The following OTUD7A variants were observed in gnomAD, a reference collection of about 807,000 sequenced individuals.
The protein encoded by OTUD7A is OTU deubiquitinase 7A.
A neutral mutation model predicts 65.7 loss-of-function variants in OTUD7A; 12 were observed. That is an observed-to-expected ratio of 0.18 (90% confidence interval 0.12 to 0.30). OTUD7A has a LOEUF of 0.30. OTUD7A is among the 10% of genes least tolerant of loss of function. The probability of loss-of-function intolerance (pLI) is 1.00; values close to 1 mark genes in which losing one functional copy is unlikely to be tolerated. For synonymous variants in OTUD7A, 641 were observed against 586.3 expected (o/e 1.09, Z -1.35); for missense variants, 1,148 against 1,304.8 (o/e 0.88, Z 1.85).
chr15:31,628,568 C>A (rs968637513), intron 3 of OTUD7A, among the ~76,000 whole-genome samples: 6 of 152,180 alleles, frequency 3.9e-5, no homozygotes, highest in Non-Finnish European at 8.8e-5. Context: ...ATTGACTTGG[C>A]AATGCGGGCT....
intron 3 of OTUD7A, among the ~76,000 whole-genome samples, chr15:31,654,709 A>T (rs989705790): frequency 4.6e-5 from 7 of 152,216 alleles, no homozygotes; most frequent in African/African-American, 1.4e-4. Flanking sequence ...TTTCTCATGC[A>T]GCAAATGGTA....
intron 1 of OTUD7A, among the ~76,000 whole-genome samples, chr15:31,726,001 A>T (rs1456094120): frequency 6.6e-6 from 1 of 151,888 alleles, no homozygotes; most frequent in Non-Finnish European, 1.5e-5. Flanking sequence ...CTCTATATTG[A>T]TGACTCTCAG....
rs2141048539 is a variant in OTUD7A, at chr15:31,475,882, A to G, written c.*7412T>C. ...AACATATATCATCCAAAAATCAGTC[A>G]AAGAAACCAAAAAAGAAAAAAGAGG... On this transcript the variant is annotated 3_prime_UTR_variant, in exon 13 of 13. Transcript: ENST00000307050. 1 of 152,386 alleles carries G rather than the reference A, an allele frequency of 6.6e-6. No individual in the cohort carries two copies. Among genetic ancestry groups the G allele is most frequent in the East Asian group, 1.9e-4 (1 of 5,194 alleles). 9.4% of individuals were successfully genotyped at this position (152,386 alleles called of 1,614,324 possible). A position where few individuals can be genotyped will look rare whatever the true frequency, so the allele number is the denominator to read the frequency against.
At chr15:31,521,895 A>G (rs1595579909) in intron 8 of OTUD7A, among the ~76,000 whole-genome samples, 1 of 152,152 alleles carries the variant, frequency 6.6e-6, no homozygotes, top group African/African-American at 2.4e-5. Flanking sequence ...CTGGCCTCTC[A>G]GCTTCCACTT....
intron 1 of OTUD7A, among the ~76,000 whole-genome samples, chr15:31,666,791 T>A (rs1892333158): frequency 6.6e-6 from 1 of 152,092 alleles, no homozygotes; most frequent in African/African-American, 2.4e-5. Context: ...CCTCCTAGTA[T>A]CCCCTTTGCT....
intron 4 of OTUD7A, among the ~76,000 whole-genome samples, chr15:31,566,569 A>G (rs1370775971): frequency 6.6e-6 from 1 of 152,136 alleles, no homozygotes; most frequent in African/African-American, 2.4e-5. Flanking sequence ...CAACATAAAC[A>G]CATTTGATGT....
intron 8 of OTUD7A, among the ~76,000 whole-genome samples, chr15:31,518,855 C>G (rs1329584364): frequency 6.6e-6 from 1 of 152,218 alleles, no homozygotes. Context: ...CCTGCCCAGA[C>G]AGGCACCTTT....
chr15:31,628,391 T>C (rs1417570595), intron 3 of OTUD7A, among the ~76,000 whole-genome samples: 2 of 152,202 alleles, frequency 1.3e-5, no homozygotes, highest in Admixed American at 6.5e-5. Context: ...TTGTCGAAGA[T>C]CAGATGGTTG....
intron 3 of OTUD7A, among the ~76,000 whole-genome samples, chr15:31,643,278 C>A (rs1023775503): frequency 2.0e-5 from 3 of 152,206 alleles, no homozygotes; most frequent in Non-Finnish European, 2.9e-5. Flanking sequence ...CACCACTGCA[C>A]CTGGCTTTCA....
At chr15:31,844,792 G>A (rs1221977546) in intron 1 of OTUD7A, among the ~76,000 whole-genome samples, 1 of 152,226 alleles carries the variant, frequency 6.6e-6, no homozygotes, top group Admixed American at 6.5e-5. Flanking sequence ...TGCCACATAG[G>A]TAGATGGGTC....
At chr15:31,591,499 CA>C (rs1227427426) in intron 3 of OTUD7A, among the ~76,000 whole-genome samples, 3 of 152,144 alleles carry the variant, frequency 2.0e-5, no homozygotes, top group Non-Finnish European at 4.4e-5. Flanking sequence ...CTGAGTAGAA[CA>C]AAAGGCTAAA....
intron 1 of OTUD7A, among the ~76,000 whole-genome samples, chr15:31,658,176 C>A (rs1449056972): frequency 1.3e-5 from 2 of 152,146 alleles, no homozygotes; most frequent in Non-Finnish European, 2.9e-5. Flanking sequence ...AATTGTATCT[C>A]ACAGTTATTA....
At position 31,614,285 on chromosome 15, in the gene OTUD7A, C is replaced by T. The variant is rs190479587; in HGVS notation, c.151+40811G>A. On this transcript the variant is annotated intron_variant, in intron 3 of 12. Coordinates refer to ENST00000307050, the MANE Select transcript of OTUD7A (RefSeq NM_001382637.1). Reference sequence around the variant, plus strand: ...ATGTAACCGAACACGACCTGCACCCCAATAACCTATGGAAAAATAGAAAAA... The same window carrying T: ...ATGTAACCGAACACGACCTGCACCCTAATAACCTATGGAAAAATAGAAAAA... Among the ~76,000 whole-genome samples the T allele has an allele frequency of 3.1e-3, 465 of 149,270 alleles. 5 individuals are homozygous for T. The highest frequency in any genetic ancestry group is 0.011 in the African/African-American group (451 of 40,268).
intron 5 of OTUD7A, among the ~76,000 whole-genome samples, chr15:31,535,577 G>T (rs1290004687): frequency 6.6e-6 from 1 of 151,832 alleles, no homozygotes; most frequent in Non-Finnish European, 1.5e-5. Context: ...AAGAAATTCA[G>T]AGCAGCCTTA....
chr15:31,699,880 C>T (rs1206084386), intron 1 of OTUD7A, among the ~76,000 whole-genome samples: 18 of 151,986 alleles, frequency 1.2e-4, no homozygotes, highest in Non-Finnish European at 2.2e-4. Flanking sequence ...GTGGAAGTGA[C>T]GTTACAGTTA....
At chr15:31,677,561 T>C (rs139240916) in intron 1 of OTUD7A, among the ~76,000 whole-genome samples, 6 of 151,288 alleles carry the variant, frequency 4.0e-5, no homozygotes, top group Non-Finnish European at 7.4e-5. Flanking sequence ...TGAGTTCTCA[T>C]GAGATCTGAT....
chr15:31,703,635 GAC>G (rs1488371456), intron 1 of OTUD7A, among the ~76,000 whole-genome samples: 1 of 152,136 alleles, frequency 6.6e-6, no homozygotes, highest in East Asian at 1.9e-4. Context: ...GAACGAAAAT[GAC>G]ACAGCCACTC....
intron 3 of OTUD7A, among the ~76,000 whole-genome samples, chr15:31,608,276 G>C (rs537041360): frequency 3.8e-4 from 58 of 152,210 alleles, no homozygotes; most frequent in Admixed American, 1.6e-3. Context: ...GCAGGGAATT[G>C]AATTGAGAAA....
At chr15:31,559,561 C>T (rs1888619050) in intron 4 of OTUD7A, among the ~76,000 whole-genome samples, 1 of 152,144 alleles carries the variant, frequency 6.6e-6, no homozygotes, top group Non-Finnish European at 1.5e-5. Context: ...CATGCACACA[C>T]TAGACACATA....
Sources: allele counts gnomAD v4.1 joint callset (sites outside exome capture counted in the v4.1 genomes callset), GRCh38; gene constraint gnomAD v4.1.1; transcripts MANE v1.5; gene names NCBI Gene and HGNC (gene_info 2026-07-23, HGNC 2026-07-21).